ZNF608: variants seen among roughly 807,000 people sequenced by gnomAD.
ZNF608 encodes renal carcinoma antigen NY-REN-36.
Under a neutral mutation model 109.0 loss-of-function variants are expected in ZNF608, and 12 were observed. That is an observed-to-expected ratio of 0.11 (90% CI 0.07 to 0.18). The LOEUF is 0.18. Ranked by LOEUF, ZNF608 falls within the 10% of genes least tolerant of loss-of-function variation. The pLI is 1.00. For missense variants in ZNF608, 1,707 were observed against 1,879.3 expected (o/e 0.91, Z 1.70); for synonymous variants, 732 against 717.4 (o/e 1.02, Z -0.33).
intron 2 of ZNF608, among the ~76,000 whole-genome samples, chr5:124,735,880 T>A (rs1277553752): frequency 6.6e-6 from 1 of 152,150 alleles, no homozygotes; most frequent in South Asian, 2.1e-4. Context: ...AGTTTAAAAA[T>A]TTGGGAATAC....
intron 3 of ZNF608, among the ~76,000 whole-genome samples, chr5:124,661,221 C>T (rs1436039987): frequency 6.6e-6 from 1 of 152,186 alleles, no homozygotes; most frequent in Admixed American, 6.5e-5. Flanking sequence ...AAGAAAACCT[C>T]ATTTCATGTT....
In ZNF608 at chr5:124,744,486, A is replaced by G. The variant is rs199719501; in HGVS notation, c.504T>C (p.Asn168=). Residue 168 remains asparagine (N), a synonymous_variant, in exon 2 of 10, where the codon AAT becomes AAC. Transcript: ENST00000513986. The surrounding 1 kb of genome is among the most constrained non-coding windows in gnomAD (Gnocchi z 4.5). ...CGGCAGAGGTGCTGGTGCTGGTACT[A>G]TTGCTGTTTGGGTTGCCGCTGCCGC... is the stretch of plus-strand genomic sequence containing the variant. The part of the protein sequence containing the change: ...SSGGSGNPNS[N]STSTSTSAAT... The G allele has an allele frequency of 9.9e-6, 16 of 1,613,950 alleles. No homozygotes were observed. The East Asian group carries it at 1.6e-4, about 16-fold the overall frequency.
At position 124,746,364 on chromosome 5, in the gene ZNF608, C is replaced by T; in HGVS notation, c.-353G>A. ...TAATCACTCGATAACATTATTCCAC[C>T]TCCCCACCCCCCTTTTGGCAAACGA... is the stretch of plus-strand genomic sequence containing the variant. On this transcript the variant is annotated 5_prime_UTR_variant, in exon 1 of 10. Coordinates refer to ENST00000513986, the MANE Select transcript of ZNF608 (RefSeq NM_020747.3). The T allele has an allele frequency of 1.0e-6, 1 of 985,262 alleles. No individual in the cohort carries two copies. Among genetic ancestry groups the T allele is most frequent in the African/African-American group, 1.7e-5 (1 of 57,282 alleles). The allele number at this position is 985,262 out of a possible 1,614,324, so 61.0% of individuals were successfully genotyped here. A position where few individuals can be genotyped will look rare whatever the true frequency, so the allele number is the denominator to read the frequency against.
At chr5:124,641,788 T>C (rs1382188498) in intron 7 of ZNF608, among the ~76,000 whole-genome samples, 1 of 152,216 alleles carries the variant, frequency 6.6e-6, no homozygotes, top group Non-Finnish European at 1.5e-5. Flanking sequence ...ATTACACTTG[T>C]ATTTTGTGGA....
chr5:124,661,772 C>T lies in ZNF608; in HGVS notation c.1163-12075G>A, dbSNP rs115067654. ...CGTGTGTTTACACAGACACTGAGATCGTCTGTATACACACAGTCACACACA... is the reference window on the plus strand; with the variant it reads ...CGTGTGTTTACACAGACACTGAGATTGTCTGTATACACACAGTCACACACA... On this transcript the variant is annotated intron_variant, in intron 3 of 9. Coordinates refer to ENST00000513986, the MANE Select transcript of ZNF608 (RefSeq NM_020747.3). 5.8e-3 allele frequency among the ~76,000 whole-genome samples: 885 copies of T among 152,288 alleles called. 10 individuals are homozygous for T. Among genetic ancestry groups the T allele is most frequent in the African/African-American group, 0.021 (867 of 41,562 alleles).
chr5:124,691,435 T>C (rs976303532), intron 3 of ZNF608, among the ~76,000 whole-genome samples: 4 of 152,166 alleles, frequency 2.6e-5, no homozygotes, highest in Admixed American at 6.5e-5. Flanking sequence ...TCATACCTGT[T>C]AGGATAGCCA....
chr5:124,707,420 T>C (rs1173704699), intron 2 of ZNF608, among the ~76,000 whole-genome samples: 1 of 152,166 alleles, frequency 6.6e-6, no homozygotes, highest in African/African-American at 2.4e-5. Context: ...TTCTCACGTC[T>C]ATTGCCAAAA....
chr5:124,702,077 C>T (rs917091098), intron 2 of ZNF608, among the ~76,000 whole-genome samples: 3 of 152,122 alleles, frequency 2.0e-5, no homozygotes, highest in Admixed American at 6.5e-5. Context: ...CCCTTTGCAC[C>T]GCTATCCCCA....
chr5:124,729,033 G>A (rs1748757664), intron 2 of ZNF608, among the ~76,000 whole-genome samples: 1 of 152,160 alleles, frequency 6.6e-6, no homozygotes, highest in Non-Finnish European at 1.5e-5. Context: ...AAAAGGGGAG[G>A]AGACCAATTT....
intron 3 of ZNF608, among the ~76,000 whole-genome samples, chr5:124,668,202 ATATATATATATATAT>A (rs1441504606): frequency 1.4e-5 from 2 of 144,112 alleles, no homozygotes; most frequent in Admixed American, 7.0e-5. Flanking sequence ...AAAAATATAT[ATATATATATATATAT>A]TATATATATA....
At chr5:124,683,726 C>T (rs574010237) in intron 3 of ZNF608, among the ~76,000 whole-genome samples, 1 of 152,234 alleles carries the variant, frequency 6.6e-6, no homozygotes, top group African/African-American at 2.4e-5. Flanking sequence ...AAAGAAAATT[C>T]AACTACATTT....
At chr5:124,695,957 G>A (rs1381752175) in intron 3 of ZNF608, among the ~76,000 whole-genome samples, 3 of 152,192 alleles carry the variant, frequency 2.0e-5, no homozygotes, top group Non-Finnish European at 2.9e-5. Context: ...GCCAAGGCGG[G>A]TGGATCACCT....
At chr5:124,697,340 T>C (rs147161735) in intron 3 of ZNF608, among the ~76,000 whole-genome samples, 58 of 151,950 alleles carry the variant, frequency 3.8e-4, no homozygotes, top group Admixed American at 2.0e-4. Context: ...TATTGCTATA[T>C]ACACCATGTT....
At chr5:124,697,651 A>C (rs1752904922) in intron 3 of ZNF608, among the ~76,000 whole-genome samples, 1 of 152,204 alleles carries the variant, frequency 6.6e-6, no homozygotes, top group Admixed American at 6.5e-5. Context: ...TCCTGAGCAC[A>C]ACTTGGTTCT....
chr5:124,720,420 TG>T (rs1345861734), intron 2 of ZNF608, among the ~76,000 whole-genome samples: 3 of 152,172 alleles, frequency 2.0e-5, no homozygotes, highest in African/African-American at 7.2e-5. Context: ...AAATTGTGAA[TG>T]GTAAGAAATA....
At chr5:124,649,910 G>A (rs1011174913) in intron 3 of ZNF608, among the ~76,000 whole-genome samples, 2 of 152,218 alleles carry the variant, frequency 1.3e-5, no homozygotes, top group African/African-American at 2.4e-5. Flanking sequence ...GTGCGCGTGC[G>A]CATGTGGTAC....
At chr5:124,679,626 A>G (rs927325255) in intron 3 of ZNF608, among the ~76,000 whole-genome samples, 3 of 152,214 alleles carry the variant, frequency 2.0e-5, no homozygotes, top group Non-Finnish European at 4.4e-5. Context: ...AAGGCAAGCA[A>G]GTACCTGTTA....
At chr5:124,680,299 T>C (rs951564779) in intron 3 of ZNF608, among the ~76,000 whole-genome samples, 1 of 151,178 alleles carries the variant, frequency 6.6e-6, no homozygotes, top group Non-Finnish European at 1.5e-5. Flanking sequence ...AACAAAGAAA[T>C]GTAAAGCTCT....
At position 124,696,189 on chromosome 5, in the gene ZNF608, A is replaced by G. The variant is rs543368122; in HGVS notation, c.1162+4825T>C. ...ACAAGAGTGAAACTCCGTCTCAAGA[A>G]AAAAAAAAAAGGAAAAAAAGAGAGA... On this transcript the variant is annotated intron_variant, in intron 3 of 9. Coordinates refer to ENST00000513986, the MANE Select transcript of ZNF608 (RefSeq NM_020747.3). Among the ~76,000 whole-genome samples, 477 of 146,948 alleles carry G rather than the reference A, an allele frequency of 3.2e-3. 3 individuals carry two copies. The highest frequency in any genetic ancestry group is 4.1e-3 in the Non-Finnish European group (272 of 65,704).
Sources: gnomAD v4.1 joint callset for allele counts (sites outside exome capture counted in the v4.1 genomes callset) on GRCh38, gnomAD v4.1.1 for gene constraint, Gnocchi (gnomAD v3.1) non-coding constraint, MANE v1.5 for transcripts, NCBI Gene and HGNC (gene_info 2026-07-23, HGNC 2026-07-21) for gene names.